TRHDE: variants seen among roughly 807,000 people sequenced by gnomAD.
TRHDE encodes the protein thyrotropin-releasing hormone-degrading ectoenzyme.
In TRHDE, 72 loss-of-function variants were observed where a neutral mutation model predicts 125.7. The observed-to-expected ratio is 0.57, with a 90% CI of 0.47 to 0.70. TRHDE has a LOEUF of 0.70. Ranked by LOEUF, TRHDE falls within the 30% of genes least tolerant of loss-of-function variation. The probability of loss-of-function intolerance (pLI) is 0.00; values close to 1 mark genes in which losing one functional copy is unlikely to be tolerated. For synonymous variants in TRHDE, 509 were observed against 509.1 expected (o/e 1.00, Z 0.00); for missense variants, 1,110 against 1,327.1 (o/e 0.84, Z 2.54).
chr12:72,442,264 G>A (rs1485567139), intron 3 of TRHDE, among the ~76,000 whole-genome samples: 2 of 151,808 alleles, frequency 1.3e-5, no homozygotes, highest in African/African-American at 2.4e-5. Flanking sequence ...GAGCCTCATC[G>A]ATGTGTGATA....
chr12:72,144,539 G>GA (rs1876185635), intron 2 of TRHDE, among the ~76,000 whole-genome samples: 1 of 152,202 alleles, frequency 6.6e-6, no homozygotes, highest in Non-Finnish European at 1.5e-5. Flanking sequence ...GGCAGGGGAG[G>GA]TGTCTCGTGT....
chr12:72,244,819 G>T (rs530481484), intron 2 of TRHDE, among the ~76,000 whole-genome samples: 222 of 152,120 alleles, frequency 1.5e-3, no homozygotes, highest in African/African-American at 4.7e-3. Flanking sequence ...TGCAAACGAA[G>T]AACTTGTTGA....
intron 2 of TRHDE, among the ~76,000 whole-genome samples, chr12:72,191,443 C>T (rs912015719): frequency 7.2e-5 from 11 of 152,160 alleles, no homozygotes; most frequent in Non-Finnish European, 1.2e-4. Context: ...GTAAAAATTT[C>T]CATGTTTGTT....
At chr12:72,542,460 T>C in intron 7 of TRHDE, 104 bp downstream of exon 7, 1 of 828,168 alleles carries the variant, frequency 1.2e-6, no homozygotes, top group Non-Finnish European at 1.8e-6. Flanking sequence ...TGGAAAACTT[T>C]AAGATGTGTA....
At chr12:72,536,037 G>A (rs12582865) in intron 6 of TRHDE, among the ~76,000 whole-genome samples, 8,344 of 152,146 alleles carry the variant, frequency 0.055, 326 homozygotes, top group Admixed American at 0.13. Context: ...GTATGTCAAC[G>A]GAAAGTAATG....
chr12:72,435,640 A>ATTTT (rs1246330658), intron 3 of TRHDE, among the ~76,000 whole-genome samples: 2 of 139,078 alleles, frequency 1.4e-5, no homozygotes, highest in Non-Finnish European at 1.6e-5. Flanking sequence ...CCAGGCTGGG[A>ATTTT]TTTTTTTTTT....
chr12:72,632,433 T>A (rs1190617304), intron 15 of TRHDE, among the ~76,000 whole-genome samples: 2 of 151,914 alleles, frequency 1.3e-5, no homozygotes, highest in Admixed American at 6.6e-5. Flanking sequence ...CAATTTCTCA[T>A]CTTTAACAAA....
intron 2 of TRHDE, among the ~76,000 whole-genome samples, chr12:72,296,932 A>C (rs1023905722): frequency 6.6e-6 from 1 of 152,284 alleles, no homozygotes; most frequent in East Asian, 1.9e-4. Context: ...GTCTGTTCCA[A>C]GGAGCTTTAG....
At chr12:72,101,353 G>A (rs955846920) in intron 1 of TRHDE, among the ~76,000 whole-genome samples, 16 of 152,196 alleles carry the variant, frequency 1.1e-4, no homozygotes, top group African/African-American at 3.9e-4. Context: ...CAGCATGAAA[G>A]GAATGAAGCA....
intron 12 of TRHDE, among the ~76,000 whole-genome samples, chr12:72,609,936 A>T (rs1216584148): frequency 2.6e-5 from 4 of 152,112 alleles, no homozygotes; most frequent in Admixed American, 6.5e-5. Context: ...GCACTAAAAA[A>T]CTTCACTGCT....
intron 2 of TRHDE, chr12:72,147,726 C>T (rs1166817901): frequency 6.6e-6 from 1 of 152,222 alleles, no homozygotes; most frequent in Non-Finnish European, 1.5e-5. Context: ...TACTTTCCAT[C>T]TCCCAACCTT....
intron 18 of TRHDE, among the ~76,000 whole-genome samples, chr12:72,662,457 C>CA (rs1874953729): frequency 6.6e-6 from 1 of 152,078 alleles, no homozygotes; most frequent in African/African-American, 2.4e-5. Flanking sequence ...TTTATTCTTT[C>CA]AAAATCTAGT....
At chr12:72,181,719 T>C (rs529482117) in intron 2 of TRHDE, among the ~76,000 whole-genome samples, 2 of 152,112 alleles carry the variant, frequency 1.3e-5, no homozygotes, top group South Asian at 4.1e-4. Flanking sequence ...GTCTTTGAAG[T>C]CTTCATCAGG....
chr12:72,611,234 C>T, intron 12 of TRHDE: 1 of 186,106 alleles, frequency 5.4e-6, no homozygotes, highest in Non-Finnish European at 1.2e-5. Context: ...ATCACCAGAG[C>T]ACACACCAGA....
At chr12:72,240,932 G>A (rs970305549) in intron 2 of TRHDE, among the ~76,000 whole-genome samples, 6 of 151,892 alleles carry the variant, frequency 4.0e-5, no homozygotes, top group African/African-American at 1.2e-4. Context: ...CACACATCTC[G>A]ATTCAATCTA....
chr12:72,222,876 A>G (rs1878029150), intron 2 of TRHDE, among the ~76,000 whole-genome samples: 1 of 152,098 alleles, frequency 6.6e-6, no homozygotes, highest in Admixed American at 6.6e-5. Flanking sequence ...TTTTGATGGA[A>G]AGGAATACTA....
At chr12:72,168,599 G>A (rs1056749147) in intron 2 of TRHDE, among the ~76,000 whole-genome samples, 1 of 152,190 alleles carries the variant, frequency 6.6e-6, no homozygotes, top group Admixed American at 6.5e-5. Context: ...ATTTTGTTAA[G>A]TACATAGATT....
chr12:72,501,017 A>C (rs970139000), intron 6 of TRHDE, among the ~76,000 whole-genome samples: 1 of 152,076 alleles, frequency 6.6e-6, no homozygotes, highest in Middle Eastern at 3.2e-3. Context: ...CTGACCCATG[A>C]ATACAGTATG....
Position 72,495,060 on chromosome 12 carries a change from G to GTTTTTTTTTTTTTTTTTTTTTTTTT in TRHDE, c.1585-4436_1585-4412dup, listed in dbSNP as rs751243542. On this transcript the variant is annotated intron_variant, in intron 5 of 18. Coordinates refer to ENST00000261180, the MANE Select transcript of TRHDE (RefSeq NM_013381.3). ...CATTTCTGTCAATAGTTCCTCCCCC[G>GTTTTTTTTTTTTTTTTTTTTTTTTT]TTTTTTTTTTTTTTTTTTTTTTTTT... is the stretch of plus-strand genomic sequence containing the variant. Among the ~76,000 whole-genome samples, 23 of 58,388 alleles carry GTTTTTTTTTTTTTTTTTTTTTTTTT rather than the reference G, an allele frequency of 3.9e-4. 1 individual carries two copies. Among genetic ancestry groups the GTTTTTTTTTTTTTTTTTTTTTTTTT allele is most frequent in the African/African-American group, 6.7e-4 (9 of 13,486 alleles). The allele number at this position is 58,388 out of a possible 152,430, so 38.3% of individuals were successfully genotyped here.
Sources: gnomAD v4.1 joint callset for allele counts (sites outside exome capture counted in the v4.1 genomes callset) on GRCh38, gnomAD v4.1.1 for gene constraint, MANE v1.5 for transcripts, NCBI Gene and HGNC (gene_info 2026-07-23, HGNC 2026-07-21) for gene names.